Variants in PCDH9 observed in about 807,000 individuals in gnomAD.
PCDH9 encodes the protein protocadherin-9.
In PCDH9, 24 loss-of-function variants were observed where a neutral mutation model predicts 70.6. The ratio of observed to expected loss-of-function variants is 0.34; its 90% CI spans 0.25 to 0.48. The LOEUF (loss-of-function observed/expected upper bound fraction) is 0.48. Ranked by LOEUF, PCDH9 falls within the 20% of genes least tolerant of loss-of-function variation. PCDH9 has a pLI of 0.99. For synonymous variants in PCDH9, 562 were observed against 558.5 expected (o/e 1.01, Z -0.09); for missense variants, 1,281 against 1,503.6 (o/e 0.85, Z 2.45).
At chr13:66,922,574 C>A (rs55865248) in intron 2 of PCDH9, among the ~76,000 whole-genome samples, 1,683 of 151,524 alleles carry the variant, frequency 0.011, 26 homozygotes, top group African/African-American at 0.039. Flanking sequence ...ATGTTCATAG[C>A]CTCCCTGGGC....
chr13:66,661,709 A>G (rs1235595112), intron 3 of PCDH9, among the ~76,000 whole-genome samples: 1 of 152,240 alleles, frequency 6.6e-6, no homozygotes, highest in Admixed American at 6.5e-5. Flanking sequence ...ACAGATATCC[A>G]ATCTGACACA....
At chr13:66,968,962 G>A (rs1038599189) in intron 2 of PCDH9, among the ~76,000 whole-genome samples, 2 of 151,974 alleles carry the variant, frequency 1.3e-5, no homozygotes, top group African/African-American at 4.8e-5. Context: ...TGTTACCACA[G>A]AACACAAAGA....
Position 66,763,018 on chromosome 13 carries a change from T to C in PCDH9, c.3139-131607A>G, listed in dbSNP as rs926963139. 1.2e-4 allele frequency among the ~76,000 whole-genome samples: 19 copies of C among 152,080 alleles called. 1 individual carries two copies. The East Asian group carries it at 2.1e-3, about 17-fold the overall frequency. ...TGCCTAGGCTGGAATGCAATAGCTA[T>C]TGGAAGGTTCAACAATAGTGCACTG... On this transcript the variant is annotated intron_variant, in intron 3 of 4. Transcript: ENST00000377865.
chr13:66,776,093 C>G (rs891234998), intron 3 of PCDH9, among the ~76,000 whole-genome samples: 12 of 152,084 alleles, frequency 7.9e-5, no homozygotes, highest in African/African-American at 2.9e-4. Context: ...AATTCCATTT[C>G]AAAAATACTC....
intron 2 of PCDH9, among the ~76,000 whole-genome samples, chr13:66,937,937 T>C (rs889716768): frequency 2.7e-5 from 4 of 150,240 alleles, no homozygotes; most frequent in African/African-American, 1.0e-4. Flanking sequence ...TCAATAAAAC[T>C]CCTTTAAGTT....
chr13:66,726,657 G>A (rs574249864), intron 3 of PCDH9, among the ~76,000 whole-genome samples: 6 of 152,120 alleles, frequency 3.9e-5, no homozygotes, highest in Non-Finnish European at 1.5e-5. Context: ...GCTTGAAGTA[G>A]CTTGAATGAA....
intron 4 of PCDH9, among the ~76,000 whole-genome samples, chr13:66,566,432 A>T (rs1274892003): frequency 2.0e-5 from 3 of 152,174 alleles, no homozygotes; most frequent in African/African-American, 7.2e-5. Context: ...TCTCCCTTAG[A>T]TATTTTTGTT....
chr13:66,743,799 A>C (rs1039981154), intron 3 of PCDH9, among the ~76,000 whole-genome samples: 1 of 152,184 alleles, frequency 6.6e-6, no homozygotes, highest in Non-Finnish European at 1.5e-5. Context: ...AAGTTAAAAA[A>C]TTGAAAATAA....
At chr13:66,677,190 T>C (rs887798829) in intron 3 of PCDH9, among the ~76,000 whole-genome samples, 4 of 152,078 alleles carry the variant, frequency 2.6e-5, no homozygotes, top group Admixed American at 6.6e-5. Flanking sequence ...AATTTTAAGA[T>C]AATAGAATTT....
At chr13:67,021,561 T>G (rs535301180) in intron 2 of PCDH9, among the ~76,000 whole-genome samples, 1 of 152,156 alleles carries the variant, frequency 6.6e-6, no homozygotes, top group East Asian at 1.9e-4. Context: ...AGGATGATGG[T>G]GTAATTTTTT....
intron 2 of PCDH9, among the ~76,000 whole-genome samples, chr13:66,981,591 A>G (rs1195687440): frequency 6.6e-6 from 1 of 151,930 alleles, no homozygotes; most frequent in Non-Finnish European, 1.5e-5. Context: ...ATCTTATTAG[A>G]TCCTATTAAT....
intron 2 of PCDH9, among the ~76,000 whole-genome samples, chr13:66,983,757 T>C (rs568089396): frequency 2.0e-5 from 3 of 152,120 alleles, no homozygotes; most frequent in Admixed American, 6.5e-5. Flanking sequence ...CACAGGGGTT[T>C]GTTATGCAGA....
At chr13:66,682,436 A>G (rs746659475) in intron 3 of PCDH9, among the ~76,000 whole-genome samples, 5 of 151,830 alleles carry the variant, frequency 3.3e-5, no homozygotes, top group Non-Finnish European at 7.4e-5. Context: ...AGTGAGAAGG[A>G]AGAGAGAGAG....
chr13:67,108,544 A>G (rs983815204), intron 2 of PCDH9, among the ~76,000 whole-genome samples: 2 of 152,170 alleles, frequency 1.3e-5, no homozygotes, highest in African/African-American at 4.8e-5. Flanking sequence ...AATAATATCA[A>G]TTTTTAGAGA....
At chr13:67,212,566 T>C (rs2089490517) in intron 2 of PCDH9, 1 of 152,152 alleles carries the variant, frequency 6.6e-6, no homozygotes, top group Non-Finnish European at 1.5e-5. Flanking sequence ...TGTCCGTGGA[T>C]CATATGACAA....
intron 4 of PCDH9, among the ~76,000 whole-genome samples, chr13:66,366,691 G>A (rs927769847): frequency 5.9e-5 from 9 of 152,134 alleles, no homozygotes; most frequent in South Asian, 2.1e-4. Context: ...AGAGCATTTC[G>A]TAGTTCTTAT....
intron 3 of PCDH9, among the ~76,000 whole-genome samples, chr13:66,743,682 A>G (rs1419520745): frequency 6.6e-6 from 1 of 150,642 alleles, no homozygotes; most frequent in East Asian, 1.9e-4. Context: ...TGAGTAACAC[A>G]TATGTTAAAT....
At chr13:66,761,078 T>A (rs1475668392) in intron 3 of PCDH9, among the ~76,000 whole-genome samples, 3 of 152,164 alleles carry the variant, frequency 2.0e-5, no homozygotes, top group African/African-American at 7.2e-5. Context: ...AATCTGCCTC[T>A]CTGCCCTTGT....
At chr13:67,108,083 C>T (rs1361048926) in intron 2 of PCDH9, among the ~76,000 whole-genome samples, 2 of 152,236 alleles carry the variant, frequency 1.3e-5, no homozygotes, top group Non-Finnish European at 2.9e-5. Context: ...AGTGGCCAGA[C>T]CCTGTGCTCA....
Sources: gnomAD v4.1 joint callset for allele counts (sites outside exome capture counted in the v4.1 genomes callset) on GRCh38, gnomAD v4.1.1 for gene constraint, MANE v1.5 for transcripts, NCBI Gene and HGNC (gene_info 2026-07-23, HGNC 2026-07-21) for gene names.